Variants in PTPRD observed in about 807,000 individuals in gnomAD.
PTPRD encodes the protein protein tyrosine phosphatase receptor type D.
In PTPRD, 34 loss-of-function variants were observed where a neutral mutation model predicts 214.5. That is an observed-to-expected ratio of 0.16 (90% CI 0.12 to 0.21). The LOEUF (loss-of-function observed/expected upper bound fraction) is 0.21. Among genes scored for constraint, PTPRD ranks in the 10% least tolerant of loss-of-function variants. The probability of loss-of-function intolerance (pLI) is 1.00; values close to 1 mark genes in which losing one functional copy is unlikely to be tolerated. For synonymous variants in PTPRD, 1,128 were observed against 845.7 expected (o/e 1.33, Z -5.79); for missense variants, 2,545 against 2,398.7 (o/e 1.06, Z -1.27).
At chr9:9,409,572 A>G (rs116493347) in intron 8 of PTPRD, among the ~76,000 whole-genome samples, 2,574 of 152,188 alleles carry the variant, frequency 0.017, 66 homozygotes, top group African/African-American at 0.058. Flanking sequence ...GAGAGCACTT[A>G]AAATTTCTAC....
At chr9:8,614,523 T>G (rs538807184) in intron 14 of PTPRD, among the ~76,000 whole-genome samples, 2 of 152,286 alleles carry the variant, frequency 1.3e-5, no homozygotes, top group Admixed American at 1.3e-4. Flanking sequence ...ATAGAGAAGA[T>G]AATCACTTAA....
chr9:8,431,134 T>C (rs1054608751), intron 35 of PTPRD, among the ~76,000 whole-genome samples: 1 of 152,194 alleles, frequency 6.6e-6, no homozygotes, highest in African/African-American at 2.4e-5. Flanking sequence ...TACGTCCCAA[T>C]GTGTGTCACC....
intron 8 of PTPRD, among the ~76,000 whole-genome samples, chr9:9,546,044 C>G (rs1017755295): frequency 6.6e-6 from 1 of 151,562 alleles, no homozygotes; most frequent in African/African-American, 2.4e-5. Context: ...CTTTTGGTAG[C>G]CAATATACAT....
chr9:9,317,151 C>T (rs1337188885), intron 9 of PTPRD, among the ~76,000 whole-genome samples: 9 of 152,140 alleles, frequency 5.9e-5, no homozygotes, highest in Non-Finnish European at 1.0e-4. Flanking sequence ...CATAAGATTT[C>T]TCATTCACTT....
chr9:8,367,834 G>A (rs1260518973), intron 39 of PTPRD, among the ~76,000 whole-genome samples: 1 of 152,072 alleles, frequency 6.6e-6, no homozygotes, highest in Non-Finnish European at 1.5e-5. Context: ...TTCTTTCTAT[G>A]TAACAGGCTA....
intron 3 of PTPRD, among the ~76,000 whole-genome samples, chr9:10,264,371 G>C (rs2093910459): frequency 6.6e-6 from 1 of 152,154 alleles, no homozygotes; most frequent in Non-Finnish European, 1.5e-5. Context: ...ACCCTGCACA[G>C]CCACAGGGTT....
intron 4 of PTPRD, among the ~76,000 whole-genome samples, chr9:9,974,321 T>A (rs1342832587): frequency 1.3e-5 from 2 of 152,194 alleles, no homozygotes; most frequent in Non-Finnish European, 2.9e-5. Context: ...AGCTGGCTAA[T>A]ACCAAATGAT....
chr9:10,390,071 T>C (rs1195497481), intron 2 of PTPRD, among the ~76,000 whole-genome samples: 2 of 151,884 alleles, frequency 1.3e-5, no homozygotes, highest in Admixed American at 6.6e-5. Flanking sequence ...AATTTTTTGA[T>C]AAATTGCCCA....
At chr9:10,149,885 A>C (rs1812742) in intron 3 of PTPRD, among the ~76,000 whole-genome samples, 71,174 of 151,620 alleles carry the variant, frequency 0.47, 18,658 homozygotes, top group African/African-American at 0.7. Flanking sequence ...CACCTGCCAC[A>C]ACACCCAGCT....
intron 2 of PTPRD, among the ~76,000 whole-genome samples, chr9:10,482,360 G>A (rs1169737665): frequency 2.0e-5 from 3 of 151,938 alleles, no homozygotes; most frequent in Non-Finnish European, 4.4e-5. Context: ...GACAGAGCAA[G>A]ACTCCGTTTC....
chr9:8,496,954 GT>G (rs1160884893), intron 26 of PTPRD, among the ~76,000 whole-genome samples: 4 of 152,156 alleles, frequency 2.6e-5, no homozygotes, highest in Non-Finnish European at 5.9e-5. Context: ...ACACCCCTGT[GT>G]TTTAAAGCAT....
chr9:10,248,978 A>G (rs1271999289), intron 3 of PTPRD, among the ~76,000 whole-genome samples: 2 of 152,044 alleles, frequency 1.3e-5, no homozygotes, highest in Non-Finnish European at 2.9e-5. Flanking sequence ...AATACGTAGT[A>G]GCCTAGAAGT....
chr9:9,353,846 C>G (rs1039832873), intron 9 of PTPRD, among the ~76,000 whole-genome samples: 2 of 151,846 alleles, frequency 1.3e-5, no homozygotes, highest in African/African-American at 4.8e-5. Context: ...TGATGGGTCT[C>G]TCTTCCTCAG....
intron 36 of PTPRD, among the ~76,000 whole-genome samples, chr9:8,391,075 A>G (rs1325200079): frequency 6.6e-6 from 1 of 152,124 alleles, no homozygotes; most frequent in Non-Finnish European, 1.5e-5. Context: ...GGGAAGGTAC[A>G]CTAGAACTTG....
chr9:8,500,798 G>A lies in PTPRD; in HGVS notation c.2084C>T (p.Pro695Leu), dbSNP rs2136953161. 6.2e-7 allele frequency: 1 copy of A among 1,614,166 alleles called. No homozygotes were observed. Among genetic ancestry groups the A allele is most frequent in the Non-Finnish European group, 8.5e-7 (1 of 1,180,024 alleles). Residue 695 changes from proline to leucine, a missense_variant, in exon 24 of 46, where the codon CCT (proline) becomes CTT (leucine). Transcript: ENST00000381196. ...ITVTAHTDVG[P>L]GPESLSVLIR... ...CAACACGGACAAGCTCTCAGGGCCA[G>A]GGCCGACATCTGTATGGGCTGTCAC...
intron 11 of PTPRD, among the ~76,000 whole-genome samples, chr9:8,907,187 T>C (rs1206320350): frequency 6.6e-6 from 1 of 151,880 alleles, no homozygotes; most frequent in Non-Finnish European, 1.5e-5. Flanking sequence ...GAAACAATTA[T>C]AGCTCTCAGG....
At chr9:9,597,931 C>G (rs1206028477) in intron 7 of PTPRD, among the ~76,000 whole-genome samples, 1 of 151,952 alleles carries the variant, frequency 6.6e-6, no homozygotes, top group Non-Finnish European at 1.5e-5. Context: ...GATATCCAAA[C>G]TAATGTTTTT....
At chr9:9,505,580 G>A (rs1262784112) in intron 8 of PTPRD, among the ~76,000 whole-genome samples, 2 of 151,364 alleles carry the variant, frequency 1.3e-5, no homozygotes, top group Non-Finnish European at 1.5e-5. Context: ...TATGGCTCAA[G>A]AAGCAAAGGA....
Position 9,981,473 on chromosome 9 carries a change from GCCTC to G in PTPRD, c.-471-42867_-471-42864del, listed in dbSNP as rs375573529. On this transcript the variant is annotated intron_variant, in intron 4 of 45. Coordinates refer to ENST00000381196, the MANE Select transcript of PTPRD (RefSeq NM_002839.4). Reference sequence around the variant, plus strand: ...GGGTTCAAGCCATTCTCCTGCCTGAGCCTCCCGAGTAGCTGGGACTACAGGTGCC... The same window carrying G: ...GGGTTCAAGCCATTCTCCTGCCTGAGCCGAGTAGCTGGGACTACAGGTGCC... Among the ~76,000 whole-genome samples, 105 of 151,520 alleles carry G rather than the reference GCCTC, an allele frequency of 6.9e-4. 2 individuals carry two copies. The East Asian group carries it at 0.02, about 28-fold the overall frequency.
Sources: allele counts gnomAD v4.1 joint callset (sites outside exome capture counted in the v4.1 genomes callset), GRCh38; gene constraint gnomAD v4.1.1; transcripts MANE v1.5; gene names NCBI Gene and HGNC (gene_info 2026-07-23, HGNC 2026-07-21).